NEDD4L: variants seen among roughly 807,000 people sequenced by gnomAD.
NEDD4L encodes NEDD4 like E3 ubiquitin protein ligase, also known as E3 ubiquitin-protein ligase NEDD4-like.
In NEDD4L, 54 loss-of-function variants were observed where a neutral mutation model predicts 148.9. The observed-to-expected ratio is 0.36, with a 90% confidence interval of 0.29 to 0.45. The LOEUF (loss-of-function observed/expected upper bound fraction) is 0.45, where lower values mean the gene tolerates loss of function less well. Among genes scored for constraint, NEDD4L ranks in the 20% least tolerant of loss-of-function variants. The pLI is 1.00. For missense variants in NEDD4L, 856 were observed against 1,233.8 expected (o/e 0.69, Z 4.59); for synonymous variants, 433 against 440.7 (o/e 0.98, Z 0.22).
chr18:58,214,797 TTCA>T (rs1210383850), intron 2 of NEDD4L, among the ~76,000 whole-genome samples: 6 of 51,456 alleles, frequency 1.2e-4, no homozygotes, highest in Non-Finnish European at 2.0e-4. Context: ...CTTTCTTTCT[TTCA>T]TTTTTTTTTT....
Position 58,244,194 on chromosome 18 carries a change from G to A in NEDD4L, c.123-1233G>A, listed in dbSNP as rs183760163. Among the ~76,000 whole-genome samples the A allele has an allele frequency of 3.8e-3, 581 of 152,262 alleles. 2 individuals carry two copies. The highest frequency in any genetic ancestry group is 0.012 in the African/African-American group (500 of 41,562). ...AATAAGGGTTAATAGTCATAGTATA[G>A]CCACTAACGGGCAGTTCTGAAATTA... On this transcript the variant is annotated intron_variant, in intron 2 of 30. Transcript: ENST00000400345.
At chr18:58,202,729 A>G (rs897349672) in intron 2 of NEDD4L, among the ~76,000 whole-genome samples, 1 of 152,162 alleles carries the variant, frequency 6.6e-6, no homozygotes, top group Non-Finnish European at 1.5e-5. Flanking sequence ...TGCTGCATAC[A>G]TTCAACACAG....
intron 1 of NEDD4L, 34 bp downstream of exon 1, chr18:58,044,742 C>G (rs759328765): frequency 1.3e-6 from 2 of 1,598,768 alleles, no homozygotes; most frequent in Admixed American, 1.7e-5. Context: ...CGGGACTCCC[C>G]GGGGAGTTCC....
intron 1 of NEDD4L, among the ~76,000 whole-genome samples, chr18:58,157,498 A>G (rs2035651441): frequency 6.6e-6 from 1 of 152,158 alleles, no homozygotes; most frequent in Non-Finnish European, 1.5e-5. Context: ...TCTTATGGAA[A>G]GTTATTTCAG....
rs1228909492 is a variant in NEDD4L at position 58,322,977 on chromosome 18, G to T, written c.411-255G>T. Among the ~76,000 whole-genome samples, 236 of 117,018 alleles carry T rather than the reference G, an allele frequency of 2.0e-3. 2 individuals carry two copies. The highest frequency in any genetic ancestry group is 7.1e-3 in the African/African-American group (209 of 29,358). 76.8% of individuals were successfully genotyped at this position (117,018 alleles called of 152,430 possible). On this transcript the variant is annotated intron_variant, in intron 7 of 30. Transcript: ENST00000400345. ...GCGTGCCGTGGGTGTGGGTGGGTGG[G>T]GATGCCTGCCCTGCGTGCTGTGGGT...
chr18:58,253,991 G>GTTTT (rs35718137), intron 5 of NEDD4L, among the ~76,000 whole-genome samples: 3 of 146,444 alleles, frequency 2.0e-5, no homozygotes, highest in Non-Finnish European at 4.5e-5. Flanking sequence ...TGGTGTTGCT[G>GTTTT]TTTTTTTTTT....
intron 1 of NEDD4L, among the ~76,000 whole-genome samples, chr18:58,136,505 A>G (rs2032866245): frequency 6.6e-6 from 1 of 152,176 alleles, no homozygotes; most frequent in African/African-American, 2.4e-5. Context: ...TATGCGGGGA[A>G]CCTGATGCTG....
intron 1 of NEDD4L, among the ~76,000 whole-genome samples, chr18:58,146,685 A>T (rs543908949): frequency 6.6e-4 from 101 of 152,146 alleles, no homozygotes; most frequent in African/African-American, 2.3e-3. Flanking sequence ...AAGAATGAAG[A>T]CTTGGTGCAG....
At chr18:58,052,447 G>T (rs77219440) in intron 1 of NEDD4L, among the ~76,000 whole-genome samples, 14,289 of 152,114 alleles carry the variant, frequency 0.094, 985 homozygotes, top group African/African-American at 0.2. Flanking sequence ...TGACACTCCA[G>T]TCAACTTTTT....
At chr18:58,186,727 G>A (rs143361590) in intron 2 of NEDD4L, among the ~76,000 whole-genome samples, 4 of 152,354 alleles carry the variant, frequency 2.6e-5, no homozygotes, top group South Asian at 2.1e-4. Flanking sequence ...CTTAAGTGCC[G>A]GAGTTGGAGC....
intron 2 of NEDD4L, among the ~76,000 whole-genome samples, chr18:58,176,236 C>A (rs2146858797): frequency 6.6e-6 from 1 of 151,972 alleles, no homozygotes; most frequent in African/African-American, 2.4e-5. Context: ...CCTCTCTGTC[C>A]CTGTCCCTCT....
At chr18:58,073,378 G>A (rs1315363141) in intron 1 of NEDD4L, among the ~76,000 whole-genome samples, 1 of 152,172 alleles carries the variant, frequency 6.6e-6, no homozygotes, top group African/African-American at 2.4e-5. Context: ...AAGACAGTGT[G>A]GTACTACTGT....
chr18:58,100,795 T>G (rs2084703025), intron 1 of NEDD4L, among the ~76,000 whole-genome samples: 1 of 125,224 alleles, frequency 8.0e-6, no homozygotes, highest in Admixed American at 7.5e-5. Flanking sequence ...AAGAATGTTT[T>G]TATTTTTAAT....
intron 11 of NEDD4L, among the ~76,000 whole-genome samples, chr18:58,333,034 T>A (rs1231079315): frequency 6.6e-6 from 1 of 152,088 alleles, no homozygotes; most frequent in Non-Finnish European, 1.5e-5. Flanking sequence ...CCCAGTACTT[T>A]GGGAGGCCGA....
chr18:58,119,025 G>A (rs1390699131), intron 1 of NEDD4L, among the ~76,000 whole-genome samples: 1 of 152,230 alleles, frequency 6.6e-6, no homozygotes, highest in Non-Finnish European at 1.5e-5. Flanking sequence ...CCCTGTGGCT[G>A]TGCTTGCTAA....
At chr18:58,307,801 A>C (rs1423449311) in intron 5 of NEDD4L, among the ~76,000 whole-genome samples, 1 of 152,206 alleles carries the variant, frequency 6.6e-6, no homozygotes, top group East Asian at 1.9e-4. Flanking sequence ...CTTTTACCCA[A>C]ATCCAAATCA....
intron 1 of NEDD4L, among the ~76,000 whole-genome samples, chr18:58,098,200 T>C (rs2084541345): frequency 6.6e-6 from 1 of 151,996 alleles, no homozygotes; most frequent in Non-Finnish European, 1.5e-5. Context: ...CAGAGGAGAC[T>C]TGGAGAACTG....
intron 20 of NEDD4L, 85 bp downstream of exon 20, chr18:58,364,418 T>TCTC: frequency 1.3e-6 from 1 of 769,710 alleles, no homozygotes; most frequent in Non-Finnish European, 2.1e-6. Flanking sequence ...ACTTGGTTGT[T>TCTC]ACTTTTATAT....
chr18:58,268,547 T>C (rs188195247), intron 5 of NEDD4L, among the ~76,000 whole-genome samples: 5 of 152,152 alleles, frequency 3.3e-5, no homozygotes, highest in Admixed American at 3.3e-4. Context: ...TTATCATGTG[T>C]TTCCTTGATG....
Sources: gnomAD v4.1 joint callset for allele counts (sites outside exome capture counted in the v4.1 genomes callset) on GRCh38, gnomAD v4.1.1 for gene constraint, MANE v1.5 for transcripts, NCBI Gene and HGNC (gene_info 2026-07-23, HGNC 2026-07-21) for gene names.